Variants in SCART1 observed in about 807,000 individuals in gnomAD.
SCART1 encodes the protein scavenger receptor cysteine-rich domain-containing protein SCART1.
A neutral mutation model predicts 36.2 loss-of-function variants in SCART1; 62 were observed. That is an observed-to-expected ratio of 1.71 (90% CI 1.40 to 2.12). SCART1 has a LOEUF of 2.12. Among genes scored for constraint, SCART1 ranks in the 30% most tolerant of loss-of-function variants. SCART1 has a pLI of 0.00. For missense variants in SCART1, 1,041 were observed against 540.5 expected (o/e 1.93, Z -9.18); for synonymous variants, 487 against 238.7 (o/e 2.04, Z -9.59).
intron 3 of SCART1, 147 bp downstream of exon 3, chr10:133,457,722 C>T (rs1850637562): frequency 3.5e-6 from 2 of 569,694 alleles, no homozygotes; most frequent in Non-Finnish European, 6.2e-6. Context: ...GGGAAAGGGC[C>T]TCAGCTCTCA....
chr10:133,462,885 A>T (rs1026612154), intron 6 of SCART1, among the ~76,000 whole-genome samples: 1 of 152,182 alleles, frequency 6.6e-6, no homozygotes, highest in Non-Finnish European at 1.5e-5. Flanking sequence ...ACTCAGTGAG[A>T]GGGTGTGGAA....
chr10:133,468,623 A>G (rs1850787751), exon 12 of SCART1: 1 of 152,182 alleles, frequency 6.6e-6, no homozygotes, highest in East Asian at 1.9e-4. Context: ...AGTTTTGTAG[A>G]TGCTATTTAT....
At position 133,460,471 on chromosome 10, in the gene SCART1, C is replaced by CATATATAT. The variant is rs55751015; in HGVS notation, c.1969+312_1969+319dup. On this transcript the variant is annotated intron_variant, in intron 6 of 11. Coordinates refer to ENST00000640237, the Ensembl canonical transcript of SCART1. ...GCGCTTGAAGTTTCCATCCGAAATT[C>CATATATAT]ATATATATATATATATATTTATATA... 4.7e-3 allele frequency among the ~76,000 whole-genome samples: 645 copies of CATATATAT among 136,476 alleles called. 19 individuals carry two copies. Among genetic ancestry groups the CATATATAT allele is most frequent in the African/African-American group, 0.016 (570 of 35,506 alleles). The allele number at this position is 136,476 out of a possible 152,430, so 89.5% of individuals were successfully genotyped here.
At chr10:133,459,182 G>A in exon 5 of SCART1, 1 of 702,880 alleles carries the variant, frequency 1.4e-6, no homozygotes, top group South Asian at 1.5e-5. Context: ...ACCTGGAGGA[G>A]GCCATTTTGG....
rs1850756924 is a variant in SCART1 at position 133,465,628 on chromosome 10, T to C, written c.2659+63T>C. Reference sequence around the variant, plus strand: ...GCAGAGGGCGCTGGGATGGAGTCAGTCTTGAGTGTCACTTCGGTGGGCAGG... The same window carrying C: ...GCAGAGGGCGCTGGGATGGAGTCAGCCTTGAGTGTCACTTCGGTGGGCAGG... On this transcript the variant is annotated intron_variant, in intron 9 of 11. Transcript: ENST00000640237. The C allele has an allele frequency of 5.0e-6, 3 of 594,222 alleles. No individual in the cohort carries two copies. The South Asian group carries it at 6.1e-5, about 12-fold the overall frequency. 36.8% of individuals were successfully genotyped at this position (594,222 alleles called of 1,614,324 possible).
chr10:133,462,603 C>T (rs1249564331), intron 6 of SCART1, among the ~76,000 whole-genome samples: 1 of 152,210 alleles, frequency 6.6e-6, no homozygotes, highest in African/African-American at 2.4e-5. Flanking sequence ...TGTGTGGCTC[C>T]GACCTCTGTG....
chr10:133,459,032 G>T, exon 5 of SCART1: 1 of 691,146 alleles, frequency 1.4e-6, no homozygotes. Flanking sequence ...GTTCAGGATG[G>T]TCAACGGCAG....
At chr10:133,465,639 A>G (rs1850757157) in intron 9 of SCART1, 74 bp downstream of exon 9, 1 of 595,310 alleles carries the variant, frequency 1.7e-6, no homozygotes, top group Non-Finnish European at 3.0e-6. Flanking sequence ...CTTGAGTGTC[A>G]CTTCGGTGGG....
chr10:133,465,529 C>A, exon 9 of SCART1: 2 of 526,166 alleles, frequency 3.8e-6, no homozygotes, highest in Non-Finnish European at 6.6e-6. Context: ...ACGCGGAGAC[C>A]GCGCGCACGA....
chr10:133,454,034 C>T (rs1485973821), exon 1 of SCART1: 2 of 703,006 alleles, frequency 2.8e-6, no homozygotes, highest in South Asian at 3.0e-5. Context: ...ACTCGGGCCC[C>T]TTCTTCTGAA....
exon 9 of SCART1, chr10:133,465,256 G>A: frequency 1.4e-6 from 1 of 694,600 alleles, no homozygotes; most frequent in Non-Finnish European, 2.6e-6. Context: ...TGCAGAGGAG[G>A]GCGCACTGCG....
At chr10:133,454,093 A>G in intron 1 of SCART1, 29 bp downstream of exon 1, 4 of 702,508 alleles carry the variant, frequency 5.7e-6, no homozygotes, top group Middle Eastern at 2.3e-4. Flanking sequence ...CATCCATGGA[A>G]CTTTCTGGAG....
exon 9 of SCART1, chr10:133,465,496 G>T: frequency 1.9e-6 from 1 of 524,930 alleles, no homozygotes; most frequent in Non-Finnish European, 3.3e-6. Context: ...GTCCCTGTGG[G>T]GCTGCCCTGC....
intron 10 of SCART1, 63 bp downstream of exon 10, chr10:133,466,444 C>A (rs1850767108): frequency 2.4e-5 from 16 of 678,016 alleles, no homozygotes; most frequent in Non-Finnish European, 3.8e-5. Context: ...GCTCACAGCT[C>A]CAGCCTGGTG....
intron 1 of SCART1, among the ~76,000 whole-genome samples, chr10:133,454,353 C>T (rs1295265761): frequency 6.6e-6 from 1 of 151,490 alleles, no homozygotes; most frequent in Non-Finnish European, 1.5e-5. Flanking sequence ...GTCCCAATGA[C>T]CCTGATCAAC....
intron 3 of SCART1, chr10:133,458,076 G>A: frequency 1.6e-6 from 1 of 642,870 alleles, no homozygotes; most frequent in Non-Finnish European, 2.8e-6. Context: ...GATTGCAGAG[G>A]GTGTTGCTGT....
chr10:133,462,041 T>C (rs1018867428), intron 6 of SCART1, among the ~76,000 whole-genome samples: 2 of 152,232 alleles, frequency 1.3e-5, no homozygotes, highest in Non-Finnish European at 2.9e-5. Flanking sequence ...TTCACCTGGG[T>C]CTCAGCTATG....
chr10:133,460,726 T>C (rs1037926901), intron 6 of SCART1, among the ~76,000 whole-genome samples: 3 of 150,970 alleles, frequency 2.0e-5, no homozygotes, highest in African/African-American at 7.3e-5. Flanking sequence ...TGATCCATAT[T>C]TTGGTGTACT....
exon 4 of SCART1, chr10:133,458,392 C>A: frequency 1.4e-6 from 1 of 702,488 alleles, no homozygotes; most frequent in South Asian, 1.5e-5. Flanking sequence ...GGGCGGCGAG[C>A]ACCCCTGCGC....
Sources: gnomAD v4.1 joint callset for allele counts (sites outside exome capture counted in the v4.1 genomes callset) on GRCh38, gnomAD v4.1.1 for gene constraint, MANE v1.5 for transcripts, NCBI Gene and HGNC (gene_info 2026-07-23, HGNC 2026-07-21) for gene names.